PSIP1: variants seen among roughly 807,000 people sequenced by gnomAD.
The protein encoded by PSIP1 is PC4 and SRSF1 interacting protein 1.
A neutral mutation model predicts 74.7 loss-of-function variants in PSIP1; 19 were observed. That is an observed-to-expected ratio of 0.25 (90% CI 0.18 to 0.37). The LOEUF (loss-of-function observed/expected upper bound fraction) is 0.37. Among genes scored for constraint, PSIP1 ranks in the 10% least tolerant of loss-of-function variants. The pLI is 1.00. For missense variants in PSIP1, 601 were observed against 614.3 expected, an observed-to-expected ratio of 0.98 and a Z score of 0.23; for synonymous variants, 222 against 195.3, an observed-to-expected ratio of 1.14 and a Z score of -1.14.
intron 6 of PSIP1, among the ~76,000 whole-genome samples, chr9:15,480,787 G>A (rs2036302554): frequency 6.6e-6 from 1 of 152,124 alleles, no homozygotes; most frequent in Middle Eastern, 3.2e-3. Context: ...CAGGCTTGTG[G>A]CGCACACCTA....
At chr9:15,490,806 A>G (rs2036798520) in intron 3 of PSIP1, among the ~76,000 whole-genome samples, 1 of 152,172 alleles carries the variant, frequency 6.6e-6, no homozygotes, top group Non-Finnish European at 1.5e-5. Context: ...TCACTTCAAA[A>G]TAACTTCGTA....
chr9:15,508,098 G>C (rs970560333), intron 2 of PSIP1, among the ~76,000 whole-genome samples: 4 of 152,168 alleles, frequency 2.6e-5, no homozygotes, highest in African/African-American at 9.7e-5. Flanking sequence ...CAAAATTTAA[G>C]TTGATTTTTT....
chr9:15,506,469 T>C (rs537657907), intron 3 of PSIP1, 92 bp downstream of exon 3: 7 of 896,362 alleles, frequency 7.8e-6, no homozygotes, highest in Non-Finnish European at 1.2e-5. Flanking sequence ...AAGTTTCCTA[T>C]TACGTTACGA....
intron 3 of PSIP1, among the ~76,000 whole-genome samples, chr9:15,500,490 T>TA (rs2037290494): frequency 1.3e-5 from 2 of 151,602 alleles, no homozygotes; most frequent in South Asian, 4.2e-4. Flanking sequence ...AAGAGATGAA[T>TA]AAACAGTTCA....
At chr9:15,471,445 G>A in intron 10 of PSIP1, 1 of 1,431,976 alleles carries the variant, frequency 7.0e-7, no homozygotes, top group Non-Finnish European at 9.2e-7. Context: ...ACTAAAGAAG[G>A]GTTGGGCTAC....
At chr9:15,509,907 T>C (rs1257427537) in intron 2 of PSIP1, among the ~76,000 whole-genome samples, 2 of 152,066 alleles carry the variant, frequency 1.3e-5, no homozygotes, top group African/African-American at 4.8e-5. Flanking sequence ...CAATAAACCA[T>C]AGGGAAATAC....
At chr9:15,465,967 A>T (rs1260002317) in intron 15 of PSIP1, 1 of 163,186 alleles carries the variant, frequency 6.1e-6, no homozygotes, top group Non-Finnish European at 1.3e-5. Context: ...AGACAACAAG[A>T]TTTCCCTCAA....
At chr9:15,471,958 G>T (rs1049031349) in intron 10 of PSIP1, 2 of 974,642 alleles carry the variant, frequency 2.1e-6, no homozygotes, top group South Asian at 9.5e-5. Flanking sequence ...CAGTCTAAAG[G>T]TAACTAGGAA....
chr9:15,507,690 A>C (rs1226417273), intron 2 of PSIP1, among the ~76,000 whole-genome samples: 1 of 152,200 alleles, frequency 6.6e-6, no homozygotes, highest in African/African-American at 2.4e-5. Context: ...AAATGTCATA[A>C]TTTTCATAAT....
rs768692337 is a variant in PSIP1 at position 15,469,271 on chromosome 9, T to G, written c.1099A>C (p.Asn367His). 9 of 1,546,098 alleles carry G rather than the reference T, an allele frequency of 5.8e-6. No individual in the cohort carries two copies. Among genetic ancestry groups the G allele is most frequent in the Non-Finnish European group, 7.9e-6 (9 of 1,132,764 alleles). The change falls in exon 12 of 16, where the codon AAT (asparagine) becomes CAT (histidine). Residue 367 changes from asparagine to histidine, a missense_variant. Transcript: ENST00000380733. ...AAATGAAGTTAAACACTTACAAGAT[T>G]ATCAATTTTGAGTGAATTTTTAATC... ...AEIKNSLKID[N>H]LDVNRCIEAL...
intron 9 of PSIP1, 100 bp downstream of exon 9, chr9:15,473,904 CAAAAA>C: frequency 4.6e-6 from 3 of 649,274 alleles, no homozygotes; most frequent in East Asian, 4.1e-5. Context: ...CCATCTCAAA[CAAAAA>C]AAAAACAAAA....
intron 9 of PSIP1, among the ~76,000 whole-genome samples, chr9:15,473,252 A>G (rs1563869750): frequency 6.6e-6 from 1 of 152,224 alleles, no homozygotes. Context: ...AAATAAATTT[A>G]CATACCACTG....
At chr9:15,494,565 CAAAAAAAAAAAAAA>C (rs57170853) in intron 3 of PSIP1, among the ~76,000 whole-genome samples, 1 of 37,532 alleles carries the variant, frequency 2.7e-5, no homozygotes, top group Non-Finnish European at 4.6e-5. Flanking sequence ...AACTGCATCT[CAAAAAAAAAAAAAA>C]AAAAAAAAAA....
rs1223303934 is a variant in PSIP1 at position 15,469,990 on chromosome 9, C to T, written c.981G>A (p.Gln327=). Residue 327 remains glutamine (Q), a synonymous_variant, in exon 11 of 16, where the codon CAG becomes CAA. Coordinates refer to ENST00000380733, the MANE Select transcript of PSIP1 (RefSeq NM_033222.5). ...KQEEQMETEQ[Q]NKDEGKKPEV... ...CTGGCTTCTTTCCTTCATCTTTATT[C>T]TGCCTATCAAATGTTAACAAAAATA... 1.2e-6 allele frequency: 2 copies of T among 1,605,436 alleles called. No individual in the cohort carries two copies. The highest frequency in any genetic ancestry group is 1.7e-6 in the Non-Finnish European group (2 of 1,177,114).
At position 15,475,862 on chromosome 9, in the gene PSIP1, T is replaced by G. The variant is rs1359753729; in HGVS notation, c.630-1625A>C. 6.6e-5 allele frequency among the ~76,000 whole-genome samples: 10 copies of G among 152,310 alleles called. 1 individual carries two copies. The South Asian group carries it at 1.9e-3, about 28-fold the overall frequency. On this transcript the variant is annotated intron_variant, in intron 8 of 15. Transcript: ENST00000380733. ...GTAAGGGATATTAGCAAAGTTGTAT[T>G]TGTAAATTTCTTAATCTTTTAATAT...
intron 3 of PSIP1, among the ~76,000 whole-genome samples, chr9:15,494,089 C>G (rs1221554653): frequency 6.6e-6 from 1 of 152,144 alleles, no homozygotes; most frequent in Non-Finnish European, 1.5e-5. Flanking sequence ...GAAAATGGAA[C>G]TGATACTTAT....
chr9:15,471,153 C>A, intron 10 of PSIP1: 2 of 1,605,792 alleles, frequency 1.2e-6, no homozygotes, highest in Non-Finnish European at 1.7e-6. Context: ...CACTTGTATT[C>A]TCTTTTCAGT....
intron 2 of PSIP1, among the ~76,000 whole-genome samples, chr9:15,507,688 T>C (rs1197021282): frequency 6.6e-6 from 1 of 152,180 alleles, no homozygotes; most frequent in Admixed American, 6.5e-5. Context: ...TTAAATGTCA[T>C]AATTTTCATA....
chr9:15,509,030 C>T (rs2037728307), intron 2 of PSIP1, among the ~76,000 whole-genome samples: 1 of 152,178 alleles, frequency 6.6e-6, no homozygotes. Flanking sequence ...GGAAGAAAGT[C>T]AAGGAACAGT....
Sources: gnomAD v4.1 joint callset for allele counts (sites outside exome capture counted in the v4.1 genomes callset) on GRCh38, gnomAD v4.1.1 for gene constraint, MANE v1.5 for transcripts, NCBI Gene and HGNC (gene_info 2026-07-23, HGNC 2026-07-21) for gene names.